RAB28: variants seen among roughly 807,000 people sequenced by gnomAD.
RAB28 encodes the protein ras-related protein Rab-28.
Under a neutral mutation model 31.7 loss-of-function variants are expected in RAB28, and 24 were observed. That is an observed-to-expected ratio of 0.76 (90% CI 0.55 to 1.06). The LOEUF is 1.06. Ranked by LOEUF, RAB28 falls within the 50% of genes least tolerant of loss-of-function variation. The probability of loss-of-function intolerance (pLI) is 0.00; values close to 1 mark genes in which losing one functional copy is unlikely to be tolerated. For synonymous variants in RAB28, 100 were observed against 90.4 expected, an observed-to-expected ratio of 1.11 and a Z score of -0.60; for missense variants, 254 against 258.5, an observed-to-expected ratio of 0.98 and a Z score of 0.12.
chr4:13,461,324 T>G (rs1715579716), intron 3 of RAB28, among the ~76,000 whole-genome samples: 1 of 152,238 alleles, frequency 6.6e-6, no homozygotes, highest in South Asian at 2.1e-4. Context: ...AAATGAAATG[T>G]CGATTTCCTC....
intron 4 of RAB28, among the ~76,000 whole-genome samples, chr4:13,396,446 C>G (rs1729876518): frequency 6.6e-6 from 1 of 152,068 alleles, no homozygotes; most frequent in Non-Finnish European, 1.5e-5. Flanking sequence ...GCCATGTACA[C>G]TCTCTAATGC....
intron 4 of RAB28, among the ~76,000 whole-genome samples, chr4:13,459,449 C>G (rs1715476018): frequency 6.6e-6 from 1 of 152,176 alleles, no homozygotes; most frequent in Non-Finnish European, 1.5e-5. Context: ...TAACAATACA[C>G]TTCTTAGAAC....
At chr4:13,390,935 C>T in intron 4 of RAB28, among the ~76,000 whole-genome samples, 1 of 152,096 alleles carries the variant, frequency 6.6e-6, no homozygotes. Flanking sequence ...AATGTTAGAC[C>T]TAAAACCATA....
chr4:13,393,103 A>T (rs1729718775), intron 4 of RAB28, among the ~76,000 whole-genome samples: 3 of 152,220 alleles, frequency 2.0e-5, no homozygotes, highest in Non-Finnish European at 4.4e-5. Context: ...GAGGGACACA[A>T]ATAAAAAGAT....
In RAB28 at chr4:13,484,129, T is replaced by C; in HGVS notation, c.22A>G (p.Ser8Gly). The C allele has an allele frequency of 1.9e-6, 3 of 1,595,276 alleles. No individual in the cohort carries two copies. In the South Asian group the frequency reaches 3.4e-5, roughly 18 times the overall value. MSDSEEE[S>G]QDRQLKIVVL... ...ACGATTTTCAGTTGCCGGTCCTGGCTCTCCTCCTCAGAGTCCGACATGGTG... is the reference window on the plus strand; with the variant it reads ...ACGATTTTCAGTTGCCGGTCCTGGCCCTCCTCCTCAGAGTCCGACATGGTG... Residue 8 changes from serine (S) to glycine (G), a missense_variant, in exon 1 of 7, where the codon AGC (serine) becomes GGC (glycine). Coordinates refer to ENST00000330852, the MANE Select transcript of RAB28 (RefSeq NM_001017979.3).
intron 5 of RAB28, among the ~76,000 whole-genome samples, chr4:13,378,063 T>C (rs555157314): frequency 1.3e-5 from 2 of 152,224 alleles, no homozygotes; most frequent in South Asian, 2.1e-4. Context: ...CAGTTGGATA[T>C]AAGAGTCTAC....
chr4:13,434,316 ATAAAAG>A (rs1255312418), intron 4 of RAB28, among the ~76,000 whole-genome samples: 1 of 152,228 alleles, frequency 6.6e-6, no homozygotes, highest in East Asian at 1.9e-4. Context: ...CAAATATAAA[ATAAAAG>A]TTGGGACAAC....
At chr4:13,432,791 T>G (rs1177261394) in intron 4 of RAB28, among the ~76,000 whole-genome samples, 2 of 152,136 alleles carry the variant, frequency 1.3e-5, no homozygotes, top group African/African-American at 2.4e-5. Flanking sequence ...AAAGGAGTTC[T>G]AAACATAGAA....
At chr4:13,461,889 T>A (rs938990108) in intron 3 of RAB28, among the ~76,000 whole-genome samples, 3 of 152,210 alleles carry the variant, frequency 2.0e-5, no homozygotes, top group Non-Finnish European at 2.9e-5. Context: ...GGTCTCCTCA[T>A]TAATCCTCAC....
At chr4:13,425,608 C>T (rs573871368) in intron 4 of RAB28, among the ~76,000 whole-genome samples, 3 of 152,164 alleles carry the variant, frequency 2.0e-5, no homozygotes, top group African/African-American at 4.8e-5. Context: ...TCTTAGCAAA[C>T]GGCAAATTTG....
intron 4 of RAB28, among the ~76,000 whole-genome samples, chr4:13,438,882 C>T (rs1484688260): frequency 6.6e-6 from 1 of 152,188 alleles, no homozygotes; most frequent in Non-Finnish European, 1.5e-5. Context: ...ACGGCAGCTG[C>T]ATTTCTACTG....
intron 6 of RAB28, chr4:13,371,774 T>C: frequency 1.9e-6 from 3 of 1,546,662 alleles, no homozygotes; most frequent in South Asian, 1.2e-5. Flanking sequence ...TTAGAGAAAA[T>C]GTTACCTATA....
chr4:13,466,252 G>A (rs1213079759), intron 3 of RAB28, among the ~76,000 whole-genome samples: 1 of 151,540 alleles, frequency 6.6e-6, no homozygotes, highest in Non-Finnish European at 1.5e-5. Flanking sequence ...AGCAAAGGAG[G>A]AAAAAATTAA....
chr4:13,393,344 C>T (rs1729730640), intron 4 of RAB28, among the ~76,000 whole-genome samples: 1 of 152,192 alleles, frequency 6.6e-6, no homozygotes, highest in Non-Finnish European at 1.5e-5. Context: ...TCTGAAAGAA[C>T]CTGGCTTCCA....
intron 4 of RAB28, among the ~76,000 whole-genome samples, chr4:13,388,184 A>G (rs1729463106): frequency 6.6e-6 from 1 of 152,054 alleles, no homozygotes; most frequent in Non-Finnish European, 1.5e-5. Flanking sequence ...GTAGTCTTCC[A>G]AATAGAATAG....
chr4:13,466,209 T>C (rs1191119930), intron 3 of RAB28, among the ~76,000 whole-genome samples: 2 of 151,454 alleles, frequency 1.3e-5, no homozygotes, highest in Non-Finnish European at 3.0e-5. Context: ...ACAAAAGCAA[T>C]AAGCAAAGAG....
At chr4:13,399,404 T>C (rs1216205350) in intron 4 of RAB28, among the ~76,000 whole-genome samples, 1 of 152,250 alleles carries the variant, frequency 6.6e-6, no homozygotes, top group Non-Finnish European at 1.5e-5. Flanking sequence ...AAGCCATGAA[T>C]ATTCTTACTC....
intron 4 of RAB28, among the ~76,000 whole-genome samples, chr4:13,419,031 G>T (rs1394137593): frequency 6.6e-6 from 1 of 152,028 alleles, no homozygotes; most frequent in Non-Finnish European, 1.5e-5. Flanking sequence ...ACACACATAG[G>T]CTCAAAATAA....
intron 4 of RAB28, among the ~76,000 whole-genome samples, chr4:13,449,878 T>G (rs1009252526): frequency 6.6e-6 from 1 of 151,812 alleles, no homozygotes; most frequent in Non-Finnish European, 1.5e-5. Context: ...CCCTGTTAAT[T>G]CTGTTTATAA....
Sources: gnomAD v4.1 joint callset for allele counts (sites outside exome capture counted in the v4.1 genomes callset) on GRCh38, gnomAD v4.1.1 for gene constraint, MANE v1.5 for transcripts, NCBI Gene and HGNC (gene_info 2026-07-23, HGNC 2026-07-21) for gene names.